BTRC: variants seen among roughly 807,000 people sequenced by gnomAD.
The protein encoded by BTRC is F-box/WD repeat-containing protein 1A.
In BTRC, 42 loss-of-function variants were observed where a neutral mutation model predicts 85.5. The ratio of observed to expected loss-of-function variants is 0.49; its 90% CI spans 0.38 to 0.64. BTRC has a LOEUF of 0.64. Ranked by LOEUF, BTRC falls within the 30% of genes least tolerant of loss-of-function variation. The pLI is 0.00. For synonymous variants in BTRC, 255 were observed against 263.3 expected (o/e 0.97, Z 0.30); for missense variants, 594 against 743.5 (o/e 0.80, Z 2.34).
chr10:101,522,561 C>T (rs969405489), intron 5 of BTRC, among the ~76,000 whole-genome samples: 1 of 151,358 alleles, frequency 6.6e-6, no homozygotes, highest in African/African-American at 2.4e-5. Flanking sequence ...GCTGGGACTA[C>T]AGGCACCTAC....
chr10:101,379,724 GTC>G (rs1942881925), intron 1 of BTRC, among the ~76,000 whole-genome samples: 1 of 151,952 alleles, frequency 6.6e-6, no homozygotes, highest in East Asian at 1.9e-4. Flanking sequence ...CATTTCTTAA[GTC>G]TGAACGTTTT....
chr10:101,430,456 C>G lies in BTRC; in HGVS notation c.156+4C>G. 6.2e-7 allele frequency: 1 copy of G among 1,612,036 alleles called. No individual in the cohort carries two copies. Among genetic ancestry groups the G allele is most frequent in the Non-Finnish European group, 8.5e-7 (1 of 1,178,362 alleles). ...TGGCGCACTCACAGCTTTCCAGGTA[C>G]TTTCTCTGTCTCTGTGGGTTATTTG... is the stretch of plus-strand genomic sequence containing the variant. On this transcript the variant is annotated splice_donor_region_variant and intron_variant, in intron 2 of 14. Coordinates refer to ENST00000370187, the MANE Select transcript of BTRC (RefSeq NM_033637.4).
chr10:101,494,364 A>G (rs12218678), intron 4 of BTRC, among the ~76,000 whole-genome samples: 6 of 152,220 alleles, frequency 3.9e-5, no homozygotes, highest in Non-Finnish European at 8.8e-5. Context: ...TTCATATGCT[A>G]AAAAACAAAA....
intron 3 of BTRC, among the ~76,000 whole-genome samples, chr10:101,475,936 TATATATATATATATATA>T (rs1415373191): frequency 6.8e-5 from 8 of 118,222 alleles, no homozygotes; most frequent in South Asian, 2.5e-4. Flanking sequence ...TATATATATA[TATATATATATATATATA>T]TTCAGTAATT....
intron 13 of BTRC, among the ~76,000 whole-genome samples, chr10:101,543,667 A>G (rs2062512129): frequency 6.8e-6 from 1 of 146,520 alleles, no homozygotes; most frequent in Non-Finnish European, 1.5e-5. Flanking sequence ...GTTCTTAGTT[A>G]TATCTCACTA....
At chr10:101,531,579 G>A (rs1386656754) in intron 7 of BTRC, among the ~76,000 whole-genome samples, 2 of 151,818 alleles carry the variant, frequency 1.3e-5, no homozygotes, top group South Asian at 2.1e-4. Flanking sequence ...AAATTAGCCA[G>A]GCATGGTGGC....
intron 4 of BTRC, among the ~76,000 whole-genome samples, chr10:101,520,247 G>A (rs181136051): frequency 0.016 from 2,379 of 151,968 alleles, 33 homozygotes; most frequent in Middle Eastern, 0.037. Flanking sequence ...GGGTTCAAGC[G>A]ATTCTCCTGC....
chr10:101,393,272 C>G (rs1164699065), intron 1 of BTRC, among the ~76,000 whole-genome samples: 1 of 152,148 alleles, frequency 6.6e-6, no homozygotes. Context: ...CAATATCCTT[C>G]ATAATAAACC....
chr10:101,447,746 C>T (rs1036345222), intron 2 of BTRC, among the ~76,000 whole-genome samples: 18 of 152,078 alleles, frequency 1.2e-4, no homozygotes, highest in African/African-American at 4.1e-4. Flanking sequence ...TAGCTAATAA[C>T]AGATTTTAAA....
intron 4 of BTRC, among the ~76,000 whole-genome samples, chr10:101,511,255 C>T (rs1317155531): frequency 6.6e-6 from 1 of 152,148 alleles, no homozygotes; most frequent in Non-Finnish European, 1.5e-5. Context: ...TTCACTTGAA[C>T]ATACCATTGC....
intron 4 of BTRC, among the ~76,000 whole-genome samples, chr10:101,482,046 G>T (rs555388535): frequency 6.6e-6 from 1 of 152,282 alleles, no homozygotes; most frequent in Admixed American, 6.5e-5. Flanking sequence ...GTGAGATGGA[G>T]TCTCACTTTG....
intron 4 of BTRC, among the ~76,000 whole-genome samples, chr10:101,487,608 G>T (rs1349027427): frequency 6.6e-6 from 1 of 152,198 alleles, no homozygotes; most frequent in African/African-American, 2.4e-5. Context: ...GATAGCTCCT[G>T]ATTGGAGGCG....
intron 2 of BTRC, among the ~76,000 whole-genome samples, chr10:101,438,229 A>G (rs977993767): frequency 3.3e-5 from 5 of 152,016 alleles, no homozygotes; most frequent in African/African-American, 1.2e-4. Flanking sequence ...GATTGAGACC[A>G]TCCTGGCTAA....
intron 4 of BTRC, among the ~76,000 whole-genome samples, chr10:101,502,525 T>C (rs1196991234): frequency 6.6e-6 from 1 of 152,240 alleles, no homozygotes; most frequent in African/African-American, 2.4e-5. Flanking sequence ...TTCATTCCTT[T>C]TGGGAGTTCA....
intron 1 of BTRC, among the ~76,000 whole-genome samples, chr10:101,371,224 G>A (rs926222134): frequency 4.0e-5 from 6 of 150,296 alleles, no homozygotes; most frequent in Non-Finnish European, 8.9e-5. Context: ...TTGCTCTGTT[G>A]CCCAGACTGG....
chr10:101,411,714 G>GTTT (rs34665777), intron 1 of BTRC, among the ~76,000 whole-genome samples: 37 of 150,984 alleles, frequency 2.5e-4, no homozygotes, highest in Non-Finnish European at 2.7e-4. Context: ...TTCATTGTCA[G>GTTT]TTTTTTTCTG....
Position 101,534,653 on chromosome 10 carries a change from A to C in BTRC, c.1098-8A>C. 43 of 1,614,048 alleles carry C rather than the reference A, an allele frequency of 2.7e-5. No individual in the cohort carries two copies. Among genetic ancestry groups the C allele is most frequent in the Non-Finnish European group, 3.6e-5 (42 of 1,179,952 alleles). The stretch of plus-strand genomic sequence containing the variant: ...GAGTACCATCTAAATCTCATCTATC[A>C]CTTCCAGAGTGTGGGATGTAAATAC... On this transcript the variant is annotated splice_polypyrimidine_tract_variant and splice_region_variant and intron_variant, in intron 9 of 14. Coordinates refer to ENST00000370187, the MANE Select transcript of BTRC (RefSeq NM_033637.4).
chr10:101,521,226 A>G (rs1288330413), intron 4 of BTRC, among the ~76,000 whole-genome samples: 1 of 152,168 alleles, frequency 6.6e-6, no homozygotes, highest in Non-Finnish European at 1.5e-5. Context: ...GTGAGCTATG[A>G]TCTCACCACT....
chr10:101,551,519 T>C (rs2062648840), intron 14 of BTRC, among the ~76,000 whole-genome samples: 1 of 152,170 alleles, frequency 6.6e-6, no homozygotes, highest in Non-Finnish European at 1.5e-5. Flanking sequence ...ACCCAGGTGG[T>C]CCATACATAT....
Sources: gnomAD v4.1 joint callset for allele counts (sites outside exome capture counted in the v4.1 genomes callset) on GRCh38, gnomAD v4.1.1 for gene constraint, MANE v1.5 for transcripts, NCBI Gene and HGNC (gene_info 2026-07-23, HGNC 2026-07-21) for gene names.